Variants in TNS3 observed in about 807,000 individuals in gnomAD.
TNS3 encodes tensin-3.
TNS3 carries 45 observed loss-of-function variants against 140.9 expected under a neutral mutation model. The observed-to-expected ratio is 0.32, with a 90% confidence interval of 0.25 to 0.41. The LOEUF is 0.41. Among genes scored for constraint, TNS3 ranks in the 10% least tolerant of loss-of-function variants. The pLI is 1.00. For synonymous variants in TNS3, 815 were observed against 788.4 expected (o/e 1.03, Z -0.56); for missense variants, 1,716 against 1,906.7 (o/e 0.90, Z 1.86).
chr7:47,485,791 C>G (rs11766543), intron 3 of TNS3, among the ~76,000 whole-genome samples: 22,976 of 152,300 alleles, frequency 0.15, 1,906 homozygotes, highest in Non-Finnish European at 0.19. Flanking sequence ...GCCTGCCCCA[C>G]ACCTGGCTAC....
rs766112301 is a variant in TNS3 at position 47,302,178 on chromosome 7, C to T, written c.3544+8G>A. 1 of 1,613,294 alleles carries T rather than the reference C, an allele frequency of 6.2e-7. No individual in the cohort carries two copies. The highest frequency in any genetic ancestry group is 8.5e-7 in the Non-Finnish European group (1 of 1,179,184). ...ATGCCCAAGGAGGCCCTCATCCTCC[C>T]CACATACCTTGTTCTCTTGAAATAT... On this transcript the variant is annotated splice_region_variant and intron_variant, in intron 23 of 30. Transcript: ENST00000311160.
At chr7:47,530,823 C>CAAAAAAAAAAAAAAAAA (rs781707373) in intron 1 of TNS3, among the ~76,000 whole-genome samples, 5 of 45,008 alleles carry the variant, frequency 1.1e-4, no homozygotes, top group Non-Finnish European at 1.6e-4. Flanking sequence ...AACTCCATCT[C>CAAAAAAAAAAAAAAAAA]AAAAAAAAAA....
chr7:47,473,687 T>G lies in TNS3; in HGVS notation c.-76+7416A>C, dbSNP rs577725230. On this transcript the variant is annotated intron_variant, in intron 4 of 30. Transcript: ENST00000311160. The stretch of plus-strand genomic sequence containing the variant: ...TTGTGGGAAGCCTTCTGTGACAACA[T>G]GCATGCAGAAACCACTGCAGGCTGG... Among the ~76,000 whole-genome samples the G allele has an allele frequency of 3.3e-5, 5 of 152,254 alleles. No individual in the cohort carries two copies. In the South Asian group the frequency reaches 6.2e-4, roughly 19 times the overall value.
At position 47,529,050 on chromosome 7, in the gene TNS3, C is replaced by A; in HGVS notation, c.-167G>T. 4 of 1,287,492 alleles carry A rather than the reference C, an allele frequency of 3.1e-6. No homozygotes were observed. The highest frequency in any genetic ancestry group is 4.0e-6 in the Non-Finnish European group (4 of 987,916). The allele number at this position is 1,287,492 out of a possible 1,614,324, so 79.8% of individuals were successfully genotyped here. ...CACAGACTTACCTCGGCATGAAATA[C>A]CTTGACCGTCAATAATTTGTTTGCA... On this transcript the variant is annotated 5_prime_UTR_variant, in exon 2 of 31. Coordinates refer to ENST00000311160, the MANE Select transcript of TNS3 (RefSeq NM_022748.12).
chr7:47,444,404 C>T (rs1376834311), intron 4 of TNS3, among the ~76,000 whole-genome samples: 1 of 152,256 alleles, frequency 6.6e-6, no homozygotes, highest in East Asian at 1.9e-4. Context: ...TGGCACGCAA[C>T]TTAACATATA....
Position 47,368,654 on chromosome 7 carries a change from C to T in TNS3, c.1992G>A (p.Ala664=), listed in dbSNP as rs374818505. Residue 664 remains alanine (A), a synonymous_variant, in exon 17 of 31, where the codon GCG becomes GCA. Coordinates refer to ENST00000311160, the MANE Select transcript of TNS3 (RefSeq NM_022748.12). ...GGTCTCCTGGAAACCTGGGTTTGAA[C>T]GCTTTGCTGGGAGAGGGCTGCTGTG... ...PDTQQPSPSK[A]FKPRFPGDQV... is the part of the protein sequence containing the mutation. 5.0e-6 allele frequency: 8 copies of T among 1,601,076 alleles called. No individual in the cohort carries two copies. Among genetic ancestry groups the T allele is most frequent in the African/African-American group, 1.3e-5 (1 of 74,822 alleles).
intron 9 of TNS3, among the ~76,000 whole-genome samples, chr7:47,427,659 T>C (rs1794728441): frequency 6.6e-6 from 1 of 152,186 alleles, no homozygotes; most frequent in African/African-American, 2.4e-5. Context: ...GTTTGTGTCA[T>C]GTCTGGCTTA....
intron 1 of TNS3, among the ~76,000 whole-genome samples, chr7:47,559,926 C>G (rs1800289179): frequency 6.6e-6 from 1 of 152,188 alleles, no homozygotes. Context: ...AATCCACACA[C>G]ACTACACCTA....
chr7:47,548,335 T>A (rs1379056748), intron 1 of TNS3, among the ~76,000 whole-genome samples: 1 of 152,206 alleles, frequency 6.6e-6, no homozygotes, highest in African/African-American at 2.4e-5. Flanking sequence ...ATACCTGGCC[T>A]GTCTCTCTGC....
At chr7:47,281,285 T>A (rs935938268) in intron 28 of TNS3, among the ~76,000 whole-genome samples, 1 of 152,156 alleles carries the variant, frequency 6.6e-6, no homozygotes, top group Non-Finnish European at 1.5e-5. Context: ...TGGGGCATTC[T>A]CCTCCGGCTC....
intron 2 of TNS3, among the ~76,000 whole-genome samples, chr7:47,526,355 G>T (rs1799192434): frequency 6.6e-6 from 1 of 152,240 alleles, no homozygotes; most frequent in Non-Finnish European, 1.5e-5. Flanking sequence ...AGGATGTGTG[G>T]TGCAGAGGCT....
intron 12 of TNS3, among the ~76,000 whole-genome samples, 198 bp from the exon 13 acceptor site, chr7:47,412,000 G>C (rs1167528900): frequency 6.6e-6 from 1 of 152,182 alleles, no homozygotes; most frequent in Non-Finnish European, 1.5e-5. Context: ...GGTCCTCATA[G>C]CATCATCATG....
At chr7:47,520,607 C>T (rs1241227672) in intron 2 of TNS3, among the ~76,000 whole-genome samples, 3 of 152,140 alleles carry the variant, frequency 2.0e-5, no homozygotes, top group East Asian at 1.9e-4. Flanking sequence ...GAGTAAAGTC[C>T]GTGTGGAGGC....
Position 47,397,216 on chromosome 7 carries a change from G to T in TNS3, c.920-312C>A, listed in dbSNP as rs368905890. Among the ~76,000 whole-genome samples, 5 of 152,222 alleles carry T rather than the reference G, an allele frequency of 3.3e-5. No homozygotes were observed. In the East Asian group the frequency reaches 7.7e-4, roughly 24 times the overall value. ...CTCACTGATGAGGACACAGAGGCCC[G>T]GTAAGCTGTCTCTGAGCCTCAGAGT... On this transcript the variant is annotated intron_variant, in intron 15 of 30. Coordinates refer to ENST00000311160, the MANE Select transcript of TNS3 (RefSeq NM_022748.12).
At chr7:47,327,885 C>T (rs958576133) in intron 20 of TNS3, among the ~76,000 whole-genome samples, 3 of 152,118 alleles carry the variant, frequency 2.0e-5, no homozygotes, top group African/African-American at 7.2e-5. Flanking sequence ...TCAGCAAGGG[C>T]AACTGGATCC....
chr7:47,355,161 G>A (rs888808198), intron 17 of TNS3, among the ~76,000 whole-genome samples: 2 of 152,194 alleles, frequency 1.3e-5, no homozygotes. Flanking sequence ...AGCAAGTTGC[G>A]CAGGGTCACC....
rs150318273 is a variant in TNS3, at chr7:47,541,303, C to T, written c.-264-12156G>A. 1.8e-4 allele frequency among the ~76,000 whole-genome samples: 27 copies of T among 152,164 alleles called. No individual in the cohort carries two copies. The East Asian group carries it at 4.6e-3, about 26-fold the overall frequency. On this transcript the variant is annotated intron_variant, in intron 1 of 30. Transcript: ENST00000311160. ...TGACTCAGAGTTTCCAATCTAGAGA[C>T]GTAGATACATCTAGAAATCAAAGTA...
At chr7:47,483,457 C>T (rs936964453) in intron 3 of TNS3, among the ~76,000 whole-genome samples, 3 of 152,240 alleles carry the variant, frequency 2.0e-5, no homozygotes, top group African/African-American at 7.2e-5. Flanking sequence ...GCGTGAGCCA[C>T]CATACCTGGC....
In TNS3 at chr7:47,298,296, C is replaced by T. The variant is rs117001626; in HGVS notation, c.3545-1083G>A. Among the ~76,000 whole-genome samples the T allele has an allele frequency of 2.3e-3, 357 of 152,332 alleles. 1 individual carries two copies. Among genetic ancestry groups the T allele is most frequent in the Non-Finnish European group, 4.1e-3 (279 of 68,040 alleles). ...ACACATTCCCCATGTGCCCGCCAAC[C>T]CAGGGCCTCGCACAGTGGGTCACCC... On this transcript the variant is annotated intron_variant, in intron 23 of 30. Coordinates refer to ENST00000311160, the MANE Select transcript of TNS3 (RefSeq NM_022748.12).
Sources: gnomAD v4.1 joint callset for allele counts (sites outside exome capture counted in the v4.1 genomes callset) on GRCh38, gnomAD v4.1.1 for gene constraint, MANE v1.5 for transcripts, NCBI Gene and HGNC (gene_info 2026-07-23, HGNC 2026-07-21) for gene names.